Variants in ARL3 observed in about 807,000 individuals in gnomAD.
ARL3 encodes ARF like GTPase 3, also known as ADP-ribosylation factor-like protein 3.
In ARL3, 9 loss-of-function variants were observed where a neutral mutation model predicts 26.0. That is an observed-to-expected ratio of 0.35 (90% CI 0.21 to 0.60). The LOEUF is 0.60. Ranked by LOEUF, ARL3 falls within the 20% of genes least tolerant of loss-of-function variation. The pLI is 0.78. For missense variants in ARL3, 158 were observed against 215.7 expected (o/e 0.73, Z 1.67); for synonymous variants, 71 against 78.4 (o/e 0.91, Z 0.50).
Position 102,676,756 on chromosome 10 carries a change from TA to T in ARL3, c.*137del. On this transcript the variant is annotated 3_prime_UTR_variant, in exon 6 of 6. Transcript: ENST00000260746. ...CTACTGCTGGAATGGGGATTCTTTC[TA>T]AACCGTGTTGTTCCCTCTCTTCAAA... 1.2e-6 allele frequency: 1 copy of T among 823,918 alleles called. No homozygotes were observed. The allele number at this position is 823,918 out of a possible 1,614,324, so 51.0% of individuals were successfully genotyped here.
chr10:102,712,764 AT>A (rs2064350311), intron 1 of ARL3, among the ~76,000 whole-genome samples: 1 of 152,186 alleles, frequency 6.6e-6, no homozygotes, highest in Non-Finnish European at 1.5e-5. Context: ...TTTCATTCCA[AT>A]TCTAGCTATT....
intron 4 of ARL3, among the ~76,000 whole-genome samples, chr10:102,688,648 C>T (rs943070535): frequency 4.0e-5 from 6 of 151,856 alleles, no homozygotes; most frequent in Non-Finnish European, 5.9e-5. Context: ...TGTACAGGCA[C>T]GTGCCACCAC....
Position 102,705,425 on chromosome 10 carries a change from A to C in ARL3, c.68T>G (p.Leu23Arg), listed in dbSNP as rs2064304228. The change falls in exon 2 of 6, where the codon CTG becomes CGG. Residue 23 changes from leucine to arginine, a missense_variant. By Grantham distance (102) the Leu-to-Arg change is moderately radical. Coordinates refer to ENST00000260746, the MANE Select transcript of ARL3 (RefSeq NM_004311.4). ...GGTCTTGCCAGCATTATCCAAGCCC[A>C]GGAGAAGTATTCTCACCTCCTGGTC... ...APDQEVRILL[L>R]GLDNAGKTTL... The C allele has an allele frequency of 6.2e-7, 1 of 1,612,280 alleles. No individual in the cohort carries two copies. The highest frequency in any genetic ancestry group is 1.7e-5 in the Admixed American group (1 of 59,964).
chr10:102,707,341 A>C (rs1171435639), intron 1 of ARL3, among the ~76,000 whole-genome samples: 1 of 152,186 alleles, frequency 6.6e-6, no homozygotes, highest in African/African-American at 2.4e-5. Context: ...CAAAGAAAAA[A>C]TAAATAAACC....
At chr10:102,689,527 A>G (rs2064205537) in intron 4 of ARL3, among the ~76,000 whole-genome samples, 1 of 151,130 alleles carries the variant, frequency 6.6e-6, no homozygotes, top group African/African-American at 2.4e-5. Flanking sequence ...CAACAGAAGA[A>G]TTAGTATTTA....
At chr10:102,683,602 A>T (rs2064167012) in intron 5 of ARL3, among the ~76,000 whole-genome samples, 1 of 152,162 alleles carries the variant, frequency 6.6e-6, no homozygotes, top group African/African-American at 2.4e-5. Context: ...CTTTCTTATC[A>T]AAATCAAATC....
intron 4 of ARL3, among the ~76,000 whole-genome samples, chr10:102,686,890 TTTTTGA>T (rs1564729609): frequency 1.5e-5 from 1 of 64,786 alleles, no homozygotes. Flanking sequence ...TTTTTTTTTT[TTTTTGA>T]GACGAGTCTT....
intron 2 of ARL3, among the ~76,000 whole-genome samples, chr10:102,704,768 A>C (rs2064299548): frequency 6.6e-6 from 1 of 152,170 alleles, no homozygotes; most frequent in East Asian, 1.9e-4. Context: ...TTAAATTGTA[A>C]CATAACACGT....
intron 1 of ARL3, among the ~76,000 whole-genome samples, chr10:102,705,810 C>T (rs897351849): frequency 1.3e-5 from 2 of 152,104 alleles, no homozygotes; most frequent in African/African-American, 4.8e-5. Flanking sequence ...ACACTTAGAG[C>T]AGAACATTCA....
rs1378659432 is a variant in ARL3 at position 102,674,831 on chromosome 10, G to A, written c.*2063C>T. ...CTGAGAGCAAATCAGAACATTTACAGAGGCCGTTATCAGAGGAGTGGCTTC... is the reference window on the plus strand; with the variant it reads ...CTGAGAGCAAATCAGAACATTTACAAAGGCCGTTATCAGAGGAGTGGCTTC... On this transcript the variant is annotated 3_prime_UTR_variant, in exon 6 of 6. Transcript: ENST00000260746. 1.3e-5 allele frequency: 2 copies of A among 152,168 alleles called. No homozygotes were observed. The highest frequency in any genetic ancestry group is 2.9e-5 in the Non-Finnish European group (2 of 68,032). The allele number at this position is 152,168 out of a possible 1,614,324, so 9.4% of individuals were successfully genotyped here.
At chr10:102,687,548 C>T (rs537006876) in intron 4 of ARL3, among the ~76,000 whole-genome samples, 1 of 152,004 alleles carries the variant, frequency 6.6e-6, no homozygotes, top group South Asian at 2.1e-4. Flanking sequence ...ATTAGCTGTG[C>T]ATGGTGGTGG....
At chr10:102,691,991 C>G (rs1474303990) in intron 3 of ARL3, among the ~76,000 whole-genome samples, 1 of 152,192 alleles carries the variant, frequency 6.6e-6, no homozygotes, top group Admixed American at 6.5e-5. Flanking sequence ...AAGGTTGACT[C>G]TCAATCCAAA....
chr10:102,697,482 A>G (rs1273917670), intron 3 of ARL3, among the ~76,000 whole-genome samples: 1 of 152,190 alleles, frequency 6.6e-6, no homozygotes, highest in African/African-American at 2.4e-5. Flanking sequence ...CGGCAGCTCT[A>G]TTATAATCTT....
At chr10:102,708,350 A>T (rs1458379999) in intron 1 of ARL3, among the ~76,000 whole-genome samples, 1 of 152,176 alleles carries the variant, frequency 6.6e-6, no homozygotes, top group Non-Finnish European at 1.5e-5. Context: ...GGGACTGGTG[A>T]CATAAAAAGG....
At chr10:102,677,377 G>T (rs2135994032) in intron 5 of ARL3, among the ~76,000 whole-genome samples, 1 of 152,286 alleles carries the variant, frequency 6.6e-6, no homozygotes, top group South Asian at 2.1e-4. Context: ...GTGTACACTT[G>T]GGTTAAATTA....
chr10:102,681,674 C>G (rs996288996), intron 5 of ARL3, among the ~76,000 whole-genome samples: 2 of 152,032 alleles, frequency 1.3e-5, no homozygotes, highest in Non-Finnish European at 2.9e-5. Flanking sequence ...AGGGGGTGGC[C>G]TGGAGAGCAG....
At chr10:102,714,241 G>A (rs750898674) in intron 1 of ARL3, 32 bp downstream of exon 1, 1 of 1,313,102 alleles carries the variant, frequency 7.6e-7, no homozygotes. Context: ...ATAACCGGCC[G>A]GCTCCAAGGG....
At chr10:102,677,997 C>T (rs568458236) in intron 5 of ARL3, among the ~76,000 whole-genome samples, 7 of 152,228 alleles carry the variant, frequency 4.6e-5, no homozygotes, top group African/African-American at 9.6e-5. Flanking sequence ...CTTGGCCATT[C>T]GGAACATTAA....
At chr10:102,701,578 A>C (rs1278956220) in intron 2 of ARL3, among the ~76,000 whole-genome samples, 5 of 152,200 alleles carry the variant, frequency 3.3e-5, no homozygotes, top group African/African-American at 1.2e-4. Context: ...CACTGGCAAA[A>C]CTACTTTAGT....
Sources: allele counts gnomAD v4.1 joint callset (sites outside exome capture counted in the v4.1 genomes callset), GRCh38; gene constraint gnomAD v4.1.1; transcripts MANE v1.5; gene names NCBI Gene and HGNC (gene_info 2026-07-23, HGNC 2026-07-21).